The following MFN1 variants were observed in gnomAD, a reference collection of about 807,000 sequenced individuals.
MFN1 encodes mitofusin 1, also known as mitofusin-1.
MFN1 carries 65 observed loss-of-function variants against 92.4 expected under a neutral mutation model. That is an observed-to-expected ratio of 0.70 (90% CI 0.58 to 0.86). The LOEUF (loss-of-function observed/expected upper bound fraction) is 0.86. MFN1 is among the 40% of genes least tolerant of loss of function. The pLI, the probability that MFN1 is intolerant of heterozygous loss-of-function variation, is 0.00. For missense variants in MFN1, 781 were observed against 868.0 expected (o/e 0.90, Z 1.26); for synonymous variants, 297 against 300.9 (o/e 0.99, Z 0.13).
At chr3:179,361,167 CTGTT>C (rs1712560223) in intron 4 of MFN1, among the ~76,000 whole-genome samples, 1 of 152,174 alleles carries the variant, frequency 6.6e-6, no homozygotes, top group Non-Finnish European at 1.5e-5. Context: ...GAAGGAATCA[CTGTT>C]GTTTTGTGAT....
chr3:179,348,524 C>G (rs938171171), intron 1 of MFN1, among the ~76,000 whole-genome samples: 7 of 152,238 alleles, frequency 4.6e-5, no homozygotes, highest in African/African-American at 1.7e-4. Context: ...CTTCGCCTCA[C>G]TAACCCTGTT....
rs761212747 is a variant in MFN1, at chr3:179,378,682, C to T, written c.1530C>T (p.His510=). The change falls in exon 14 of 18, where the codon CAC becomes CAT. Residue 510 remains histidine (H), a synonymous_variant. Coordinates refer to ENST00000471841, the MANE Select transcript of MFN1 (RefSeq NM_033540.3). Reference sequence around the variant, plus strand: ...ATCTCAGTTATAATCTAAATTACCACAAGTTATGTTCAGATTTTCAAGAGG... The same window carrying T: ...ATCTCAGTTATAATCTAAATTACCATAAGTTATGTTCAGATTTTCAAGAGG... ...KFDLSYNLNY[H]KLCSDFQEDI... The T allele has an allele frequency of 4.4e-5, 71 of 1,613,348 alleles. No individual in the cohort carries two copies. The highest frequency in any genetic ancestry group is 1.7e-5 in the Non-Finnish European group (20 of 1,179,486).
Position 179,390,435 on chromosome 3 carries a change from C to T in MFN1, c.2147+297C>T, listed in dbSNP as rs192027299. ...TTACTCTTCATTAGGCTATATTATT[C>T]CCTTTTCAGAACAGAAGTTGTATAA... On this transcript the variant is annotated intron_variant, in intron 17 of 17. Coordinates refer to ENST00000471841, the MANE Select transcript of MFN1 (RefSeq NM_033540.3). Among the ~76,000 whole-genome samples, 3 of 152,230 alleles carry T rather than the reference C, an allele frequency of 2.0e-5. No individual in the cohort carries two copies. The East Asian group carries it at 5.8e-4, about 29-fold the overall frequency.
chr3:179,383,502 C>T (rs369413269), intron 14 of MFN1, among the ~76,000 whole-genome samples: 2 of 152,116 alleles, frequency 1.3e-5, no homozygotes, highest in South Asian at 2.1e-4. Context: ...AGTCAGGTAG[C>T]GTGATGCCTC....
intron 5 of MFN1, among the ~76,000 whole-genome samples, chr3:179,362,945 T>C (rs1712641477): frequency 6.6e-6 from 1 of 152,200 alleles, no homozygotes; most frequent in African/African-American, 2.4e-5. Flanking sequence ...CACCAAGATA[T>C]TTGGTTTAAA....
intron 9 of MFN1, among the ~76,000 whole-genome samples, chr3:179,372,453 T>C (rs1232104608): frequency 6.6e-6 from 1 of 152,106 alleles, no homozygotes; most frequent in Non-Finnish European, 1.5e-5. Context: ...TAGAGATTAA[T>C]TAGCATATTA....
chr3:179,369,469 A>G (rs1465653036), intron 9 of MFN1, among the ~76,000 whole-genome samples: 1 of 152,194 alleles, frequency 6.6e-6, no homozygotes, highest in African/African-American at 2.4e-5. Context: ...TTTCTTCTAA[A>G]TTATACATTT....
At chr3:179,374,509 A>G (rs1168918225) in intron 9 of MFN1, among the ~76,000 whole-genome samples, 1 of 151,572 alleles carries the variant, frequency 6.6e-6, no homozygotes, top group Non-Finnish European at 1.5e-5. Flanking sequence ...TTATTTAAAT[A>G]AACACTGGTT....
At chr3:179,386,952 C>T (rs900704637) in intron 16 of MFN1, among the ~76,000 whole-genome samples, 11 of 152,080 alleles carry the variant, frequency 7.2e-5, no homozygotes, top group Non-Finnish European at 1.2e-4. Flanking sequence ...GATAGGGTCT[C>T]TGTCGCCCAG....
Position 179,394,810 on chromosome 3 carries a change from T to C in MFN1, c.*2751T>C, listed in dbSNP as rs1293841260. ...AATTATGAGTGATGTACTTCAAAGT[T>C]ATTGCACATACACTTGTTTACTTTG... On this transcript the variant is annotated 3_prime_UTR_variant, in exon 18 of 18. Transcript: ENST00000471841. 1 of 152,230 alleles carries C rather than the reference T, an allele frequency of 6.6e-6. No individual in the cohort carries two copies. The highest frequency in any genetic ancestry group is 1.5e-5 in the Non-Finnish European group (1 of 68,038). The allele number at this position is 152,230 out of a possible 1,614,324, so 9.4% of individuals were successfully genotyped here. A position where few individuals can be genotyped will look rare whatever the true frequency, so the allele number is the denominator to read the frequency against.
At position 179,392,109 on chromosome 3, in the gene MFN1, G is replaced by T; in HGVS notation, c.*50G>T. ...TGATAGGAGGAAACGAAACTTGTAA[G>T]ATTGGAACAGTTGTTATTTTTATGA... On this transcript the variant is annotated 3_prime_UTR_variant, in exon 18 of 18. Transcript: ENST00000471841. 1 of 1,156,096 alleles carries T rather than the reference G, an allele frequency of 8.6e-7. No homozygotes were observed. The highest frequency in any genetic ancestry group is 1.3e-6 in the Non-Finnish European group (1 of 779,914). 71.6% of individuals were successfully genotyped at this position (1,156,096 alleles called of 1,614,324 possible).
chr3:179,387,775 C>T (rs1713748131), intron 16 of MFN1, among the ~76,000 whole-genome samples: 1 of 147,208 alleles, frequency 6.8e-6, no homozygotes, highest in Non-Finnish European at 1.5e-5. Context: ...GTCACCCAGG[C>T]TGGAGTGCAG....
At position 179,348,232 on chromosome 3, in the gene MFN1, G is replaced by A. The variant is rs182118662; in HGVS notation, c.-8+422G>A. On this transcript the variant is annotated intron_variant, in intron 1 of 17. Transcript: ENST00000471841. ...TCTGGAAGAATCCGCCTTCTTTATG[G>A]CCACTGTTCCTTTCCATGTACACAC... The A allele has an allele frequency of 4.0e-3, 606 of 152,410 alleles. 1 individual carries two copies. The highest frequency in any genetic ancestry group is 6.4e-3 in the Non-Finnish European group (433 of 68,088). 9.4% of individuals were successfully genotyped at this position (152,410 alleles called of 1,614,324 possible). A position where few individuals can be genotyped will look rare whatever the true frequency, so the allele number is the denominator to read the frequency against.
At chr3:179,382,413 A>T (rs565055596) in intron 14 of MFN1, among the ~76,000 whole-genome samples, 259 of 152,250 alleles carry the variant, frequency 1.7e-3, no homozygotes, top group African/African-American at 6.0e-3. Context: ...ATCATTTTTT[A>T]TGGCTGCATA....
intron 3 of MFN1, among the ~76,000 whole-genome samples, chr3:179,357,074 A>G (rs971079751): frequency 6.6e-6 from 1 of 152,196 alleles, no homozygotes; most frequent in Non-Finnish European, 1.5e-5. Flanking sequence ...CTGTATTCGC[A>G]TGCTGATCCA....
chr3:179,363,241 C>T (rs1028010784), intron 5 of MFN1, among the ~76,000 whole-genome samples: 8 of 152,122 alleles, frequency 5.3e-5, no homozygotes, highest in African/African-American at 1.7e-4. Context: ...GTAGCCACCA[C>T]GCCTGGCTAA....
chr3:179,356,794 T>C (rs1158791698), intron 3 of MFN1, among the ~76,000 whole-genome samples: 1 of 152,162 alleles, frequency 6.6e-6, no homozygotes, highest in South Asian at 2.1e-4. Context: ...ATGATTCTTA[T>C]ATGGGGTGGA....
chr3:179,348,710 AAAAG>A (rs773891921), intron 1 of MFN1, 131 bp from the exon 2 acceptor site: 6 of 1,356,392 alleles, frequency 4.4e-6, no homozygotes, highest in Non-Finnish European at 5.9e-6. Flanking sequence ...ACACTCCCAA[AAAAG>A]AATTACCTAA....
In MFN1 at chr3:179,385,575, A is replaced by G; in HGVS notation, c.1669A>G (p.Arg557Gly). Residue 557 changes from arginine to glycine, a missense_variant, in exon 15 of 18, where the codon AGA becomes GGA. By Grantham distance (125) the Arg-to-Gly change is moderately radical. Coordinates refer to ENST00000471841, the MANE Select transcript of MFN1 (RefSeq NM_033540.3). ...GLSEPIFQLPRSLASTPTAPT... is the reference protein window; with the variant it reads ...GLSEPIFQLPGSLASTPTAPT... ...TTCTCTTTTTTTTTGGCAGCTCCCT[A>G]GATCTTTAGCTTCTACTCCCACTGC... The G allele has an allele frequency of 6.3e-7, 1 of 1,590,326 alleles. No homozygotes were observed. The highest frequency in any genetic ancestry group is 8.5e-7 in the Non-Finnish European group (1 of 1,174,034).
Sources: gnomAD v4.1 joint callset for allele counts (sites outside exome capture counted in the v4.1 genomes callset) on GRCh38, gnomAD v4.1.1 for gene constraint, MANE v1.5 for transcripts, NCBI Gene and HGNC (gene_info 2026-07-23, HGNC 2026-07-21) for gene names.